The following HPCAL1 variants were observed in gnomAD, a reference collection of about 807,000 sequenced individuals.
HPCAL1 encodes the protein hippocalcin like 1.
In HPCAL1, 8 loss-of-function variants were observed where a neutral mutation model predicts 17.1. The observed-to-expected ratio is 0.47, with a 90% CI of 0.27 to 0.84. The LOEUF is 0.84. HPCAL1 is among the 40% of genes least tolerant of loss of function. The pLI is 0.13. For synonymous variants in HPCAL1, 112 were observed against 111.4 expected (o/e 1.01, Z -0.03); for missense variants, 165 against 271.1 (o/e 0.61, Z 2.75).
chr2:10,323,714 T>C lies in HPCAL1; in HGVS notation c.-111+20537T>C, dbSNP rs1322437107. On this transcript the variant is annotated intron_variant, in intron 1 of 4. Coordinates refer to ENST00000307845, the MANE Select transcript of HPCAL1 (RefSeq NM_002149.4). This position sits in a 1 kb window ranked among gnomAD's most constrained non-coding sequence, Gnocchi z 4.6. ...TACGCATGACCTCAGGTAATGAGAA[T>C]TAGCCCACATCCATTCATTCCACAA... Among the ~76,000 whole-genome samples the C allele has an allele frequency of 1.3e-5, 2 of 152,244 alleles. No homozygotes were observed. Among genetic ancestry groups the C allele is most frequent in the East Asian group, 3.8e-4 (2 of 5,200 alleles).
chr2:10,349,944 T>C (rs1665736913), intron 1 of HPCAL1, among the ~76,000 whole-genome samples: 1 of 152,098 alleles, frequency 6.6e-6, no homozygotes, highest in Non-Finnish European at 1.5e-5. Flanking sequence ...TGTCAAGTAA[T>C]GTAGGAACTA....
At chr2:10,329,185 A>C (rs1032174973) in intron 1 of HPCAL1, among the ~76,000 whole-genome samples, 1 of 152,100 alleles carries the variant, frequency 6.6e-6, no homozygotes, top group Non-Finnish European at 1.5e-5. Flanking sequence ...GCTTCATTGA[A>C]TCTTTCCTGA....
intron 1 of HPCAL1, among the ~76,000 whole-genome samples, chr2:10,327,113 A>G (rs1229479603): frequency 6.6e-6 from 1 of 152,048 alleles, no homozygotes; most frequent in Non-Finnish European, 1.5e-5. Flanking sequence ...TCACTGCAGC[A>G]TCTCCTAAGG....
At chr2:10,411,522 T>C (rs929173455) in intron 2 of HPCAL1, among the ~76,000 whole-genome samples, 1 of 152,236 alleles carries the variant, frequency 6.6e-6, no homozygotes, top group Admixed American at 6.5e-5. Flanking sequence ...CCAAATGCCG[T>C]TGTCCTAGGC....
At chr2:10,414,678 G>A (rs1345288926) in intron 2 of HPCAL1, among the ~76,000 whole-genome samples, 2 of 152,164 alleles carry the variant, frequency 1.3e-5, no homozygotes, top group Non-Finnish European at 2.9e-5. Flanking sequence ...GGCCATAGCA[G>A]CAGCTGTCTC....
rs547551949 is a variant in HPCAL1 at position 10,366,333 on chromosome 2, T to A, written c.-110-30502T>A. Among the ~76,000 whole-genome samples, 3 of 152,290 alleles carry A rather than the reference T, an allele frequency of 2.0e-5. No homozygotes were observed. The East Asian group carries it at 5.8e-4, about 29-fold the overall frequency. Reference sequence around the variant, plus strand: ...TCACTGCAACCTCTGCCTCCCGGGTTCAAGCGATTCTTGTGCCTCAGCCTC... The same window carrying A: ...TCACTGCAACCTCTGCCTCCCGGGTACAAGCGATTCTTGTGCCTCAGCCTC... On this transcript the variant is annotated intron_variant, in intron 1 of 4. Transcript: ENST00000307845.
rs968608824 is a variant in HPCAL1 at position 10,359,332 on chromosome 2, G to A, written c.-110-37503G>A. On this transcript the variant is annotated intron_variant, in intron 1 of 4. Transcript: ENST00000307845. This position sits in a 1 kb window ranked among gnomAD's most constrained non-coding sequence, Gnocchi z 4.1. ...TGGACCCTGCGGCTGGCATGGGTTA[G>A]TGGCTCCGTGTCACCTGGTTCCTCT... is the stretch of plus-strand genomic sequence containing the variant. Among the ~76,000 whole-genome samples, 9 of 152,296 alleles carry A rather than the reference G, an allele frequency of 5.9e-5. No individual in the cohort carries two copies. Among genetic ancestry groups the A allele is most frequent in the African/African-American group, 2.2e-4 (9 of 41,574 alleles).
Position 10,323,604 on chromosome 2 carries a change from G to A in HPCAL1, c.-111+20427G>A, listed in dbSNP as rs1558457200. Among the ~76,000 whole-genome samples the A allele has an allele frequency of 6.6e-6, 1 of 152,180 alleles. No homozygotes were observed. Among genetic ancestry groups the A allele is most frequent in the Admixed American group, 6.5e-5 (1 of 15,282 alleles). On this transcript the variant is annotated intron_variant, in intron 1 of 4. Transcript: ENST00000307845. The surrounding 1 kb of genome is among the most constrained non-coding windows in gnomAD (Gnocchi z 4.6). ...GCCCCATCTCTCACAGCCCAGTGGT[G>A]TACTACCTTAGGTAAGCACCAGTTG...
At chr2:10,311,574 G>T (rs1352387501) in intron 1 of HPCAL1, among the ~76,000 whole-genome samples, 1 of 152,150 alleles carries the variant, frequency 6.6e-6, no homozygotes. Context: ...TAAGGTGAAA[G>T]GTTATGCATT....
At chr2:10,357,218 G>A (rs1666211811) in intron 1 of HPCAL1, among the ~76,000 whole-genome samples, 1 of 152,210 alleles carries the variant, frequency 6.6e-6, no homozygotes, top group Admixed American at 6.5e-5. Context: ...TAGTAAATGT[G>A]AGGGTGGCTG....
intron 2 of HPCAL1, among the ~76,000 whole-genome samples, chr2:10,409,815 A>T (rs1292584132): frequency 9.3e-6 from 1 of 107,892 alleles, no homozygotes; most frequent in Non-Finnish European, 1.7e-5. Context: ...TTTGAGACAG[A>T]GTCTCGCTCT....
rs1668475837 is a variant in HPCAL1, at chr2:10,388,522, CT to C, written c.-110-8312del. Reference sequence around the variant, plus strand: ...GAGGTGACCTGTCCCCACCCCACCCCTGTCACTGGGAGAAGACTGCAGGTCT... The same window carrying C: ...GAGGTGACCTGTCCCCACCCCACCCCGTCACTGGGAGAAGACTGCAGGTCT... On this transcript the variant is annotated intron_variant, in intron 1 of 4. Coordinates refer to ENST00000307845, the MANE Select transcript of HPCAL1 (RefSeq NM_002149.4). Among the ~76,000 whole-genome samples, 3 of 152,372 alleles carry C rather than the reference CT, an allele frequency of 2.0e-5. No homozygotes were observed. The South Asian group carries it at 6.2e-4, about 32-fold the overall frequency.
At chr2:10,350,203 G>T (rs1665756742) in intron 1 of HPCAL1, among the ~76,000 whole-genome samples, 1 of 152,072 alleles carries the variant, frequency 6.6e-6, no homozygotes, top group African/African-American at 2.4e-5. Context: ...CTGCCCGAAG[G>T]TTCCCACATG....
rs969954116 is a variant in HPCAL1, at chr2:10,344,402, G to A, written c.-111+41225G>A. Among the ~76,000 whole-genome samples, 5 of 152,200 alleles carry A rather than the reference G, an allele frequency of 3.3e-5. No homozygotes were observed. Among genetic ancestry groups the A allele is most frequent in the South Asian group, 2.1e-4 (1 of 4,836 alleles). ...GTGCCTCACGATTAGCATAAGGCCC[G>A]TTTATCCAGGAAGCCAGAACCAGTG... On this transcript the variant is annotated intron_variant, in intron 1 of 4. Transcript: ENST00000307845. The surrounding 1 kb of genome is among the most constrained non-coding windows in gnomAD (Gnocchi z 4.9).
rs574952501 is a variant in HPCAL1, at chr2:10,369,131, A to T, written c.-110-27704A>T. On this transcript the variant is annotated intron_variant, in intron 1 of 4. Transcript: ENST00000307845. ...CATCAAGGAGCCCTCTCAGGCTGAA[A>T]ACCCTGTGCCGGGGTGGCTGCAGCA... The T allele has an allele frequency of 2.6e-5, 4 of 152,276 alleles. No homozygotes were observed. In the East Asian group the frequency reaches 7.7e-4, roughly 29 times the overall value. The allele number at this position is 152,276 out of a possible 1,614,324, so 9.4% of individuals were successfully genotyped here.
intron 1 of HPCAL1, among the ~76,000 whole-genome samples, chr2:10,360,221 A>G (rs560382307): frequency 2.0e-5 from 3 of 152,320 alleles, no homozygotes; most frequent in Admixed American, 2.0e-4. Flanking sequence ...AGCAGGCACC[A>G]GGAGCCTCAT....
rs77632922 is a variant in HPCAL1 at position 10,318,890 on chromosome 2, G to A, written c.-111+15713G>A. Among the ~76,000 whole-genome samples the A allele has an allele frequency of 3.7e-4, 57 of 152,212 alleles. No homozygotes were observed. In the East Asian group the frequency reaches 0.011, roughly 28 times the overall value. On this transcript the variant is annotated intron_variant, in intron 1 of 4. Coordinates refer to ENST00000307845, the MANE Select transcript of HPCAL1 (RefSeq NM_002149.4). ...CCTGAAGCTTGAATAGCACCCACCC[G>A]TGCCTTCTCCATGCCAGCCCTTGGG...
chr2:10,391,305 T>G (rs558741532), intron 1 of HPCAL1, among the ~76,000 whole-genome samples: 1 of 152,302 alleles, frequency 6.6e-6, no homozygotes, highest in Admixed American at 6.5e-5. Flanking sequence ...CTAAGACCTG[T>G]TATGTCCCCT....
At chr2:10,400,352 C>G (rs988274340) in intron 2 of HPCAL1, among the ~76,000 whole-genome samples, 1 of 152,232 alleles carries the variant, frequency 6.6e-6, no homozygotes, top group African/African-American at 2.4e-5. Context: ...GATGCCTCCT[C>G]CCAGGCTTAA....
Sources: gnomAD v4.1 joint callset for allele counts (sites outside exome capture counted in the v4.1 genomes callset) on GRCh38, gnomAD v4.1.1 for gene constraint, Gnocchi (gnomAD v3.1) non-coding constraint, MANE v1.5 for transcripts, NCBI Gene and HGNC (gene_info 2026-07-23, HGNC 2026-07-21) for gene names.